The following SLC2A5 variants were observed in gnomAD, a reference collection of about 807,000 sequenced individuals.
SLC2A5 encodes the protein solute carrier family 2 member 5.
SLC2A5 carries 56 observed loss-of-function variants against 50.3 expected under a neutral mutation model. The observed-to-expected ratio is 1.11, with a 90% confidence interval of 0.90 to 1.39. The LOEUF is 1.39. Ranked by LOEUF, SLC2A5 falls within the 40% of genes most tolerant of loss-of-function variation. The probability of loss-of-function intolerance (pLI) is 0.00; values close to 1 mark genes in which losing one functional copy is unlikely to be tolerated. For synonymous variants in SLC2A5, 269 were observed against 281.9 expected (o/e 0.95, Z 0.46); for missense variants, 566 against 650.1 (o/e 0.87, Z 1.41).
At chr1:9,063,453 G>C (rs1176349940) in intron 1 of SLC2A5, among the ~76,000 whole-genome samples, 5 of 150,364 alleles carry the variant, frequency 3.3e-5, no homozygotes, top group African/African-American at 1.2e-4. Flanking sequence ...GCTCACTGTA[G>C]CCTCCACCTC....
rs907503389 is a variant in SLC2A5 at position 9,037,512 on chromosome 1, C to T, written c.*74G>A. On this transcript the variant is annotated 3_prime_UTR_variant, in exon 12 of 12. Transcript: ENST00000377424. ...TGTTTTATTTCTGGATATTCACAGA[C>T]AGCTAGAAGTCAGAAAAATAAGCCA... The T allele has an allele frequency of 1.1e-5, 14 of 1,224,202 alleles. No individual in the cohort carries two copies. The highest frequency in any genetic ancestry group is 1.7e-5 in the Non-Finnish European group (14 of 832,922). 75.8% of individuals were successfully genotyped at this position (1,224,202 alleles called of 1,614,324 possible). A position where few individuals can be genotyped will look rare whatever the true frequency, so the allele number is the denominator to read the frequency against.
At chr1:9,076,019 A>T (rs1273720072) in intron 2 of SLC2A5, among the ~76,000 whole-genome samples, 1 of 149,368 alleles carries the variant, frequency 6.7e-6, no homozygotes, top group East Asian at 2.0e-4. Context: ...GCAGTGGCAC[A>T]ATCTCAGCTC....
At chr1:9,041,067 C>G (rs2124317420) in intron 5 of SLC2A5, 1 of 254,442 alleles carries the variant, frequency 3.9e-6, no homozygotes. Flanking sequence ...GCACTTGGCT[C>G]ACGGTAAGCA....
intron 1 of SLC2A5, among the ~76,000 whole-genome samples, chr1:9,061,311 C>T (rs1266401965): frequency 7.2e-6 from 1 of 139,124 alleles, no homozygotes; most frequent in Non-Finnish European, 1.5e-5. Context: ...AAGAAAAAAT[C>T]CCTTCTATCT....
chr1:9,081,231 G>C (rs1193330339), intron 2 of SLC2A5, among the ~76,000 whole-genome samples: 5 of 139,458 alleles, frequency 3.6e-5, no homozygotes, highest in African/African-American at 1.4e-4. Context: ...CTGCACTCCA[G>C]GCCGGGAAAC....
chr1:9,040,417 G>A lies in SLC2A5; in HGVS notation c.572-228C>T, dbSNP rs1278894847. On this transcript the variant is annotated intron_variant, in intron 5 of 11. Coordinates refer to ENST00000377424, the MANE Select transcript of SLC2A5 (RefSeq NM_003039.3). The surrounding 1 kb of genome is among the most constrained non-coding windows in gnomAD (Gnocchi z 4.3). ...CGCCCATCAGACAGACCACACCGAC[G>A]AGGCCGGTAATACCATGTGCTGGTG... The A allele has an allele frequency of 1.6e-5, 9 of 563,798 alleles. No homozygotes were observed. The highest frequency in any genetic ancestry group is 2.2e-5 in the Non-Finnish European group (7 of 319,836). The allele number at this position is 563,798 out of a possible 1,614,324, so 34.9% of individuals were successfully genotyped here.
At chr1:9,066,431 C>T (rs891626059) in intron 1 of SLC2A5, among the ~76,000 whole-genome samples, 9 of 152,032 alleles carry the variant, frequency 5.9e-5, no homozygotes, top group African/African-American at 1.4e-4. Flanking sequence ...GACCAAGTTT[C>T]GCCATGTTGC....
rs113665082 is a variant in SLC2A5, at chr1:9,036,580, C to G, written c.*1006G>C. 1 of 152,326 alleles carries G rather than the reference C, an allele frequency of 6.6e-6. No homozygotes were observed. The highest frequency in any genetic ancestry group is 1.5e-5 in the Non-Finnish European group (1 of 68,186). 9.4% of individuals were successfully genotyped at this position (152,326 alleles called of 1,614,324 possible). A position where few individuals can be genotyped will look rare whatever the true frequency, so the allele number is the denominator to read the frequency against. Reference sequence around the variant, plus strand: ...AAGTGGCCGGGCGCAGTGGCTCACACCTGTAATCCCAGCACTTTGAGGGGC... The same window carrying G: ...AAGTGGCCGGGCGCAGTGGCTCACAGCTGTAATCCCAGCACTTTGAGGGGC... On this transcript the variant is annotated 3_prime_UTR_variant, in exon 12 of 12. Transcript: ENST00000377424.
chr1:9,053,534 T>A (rs1411887357), intron 3 of SLC2A5, among the ~76,000 whole-genome samples: 106 of 90,772 alleles, frequency 1.2e-3, no homozygotes, highest in African/African-American at 3.9e-3. Flanking sequence ...ATTTATATAT[T>A]AATATATATT....
chr1:9,081,273 A>AG (rs1557685754), intron 2 of SLC2A5, among the ~76,000 whole-genome samples: 13 of 145,366 alleles, frequency 8.9e-5, no homozygotes, highest in Admixed American at 6.8e-5. Context: ...AAAAAAAAAA[A>AG]AAAAAACCCC....
At chr1:9,058,391 A>T (rs1196880253) in intron 1 of SLC2A5, 141 bp from the exon 2 acceptor site, 9 of 643,294 alleles carry the variant, frequency 1.4e-5, no homozygotes, top group Non-Finnish European at 2.0e-5. Flanking sequence ...ACCTACCCTC[A>T]ACCCACCTTG....
In SLC2A5 at chr1:9,039,817, G is replaced by A; in HGVS notation, c.868C>T (p.Leu290=). ...GCCCATACAGCGTTGACGCCCGACA[G>A]CTGCTGGCCGCCCATGAGGACGATG... ...SIIVLMGGQQ[L]SGVNAIYYYA... is the part of the protein sequence containing the mutation. The change falls in exon 7 of 12, where the codon CTG becomes TTG. Residue 290 remains leucine (L), a synonymous_variant. Coordinates refer to ENST00000377424, the MANE Select transcript of SLC2A5 (RefSeq NM_003039.3). The A allele has an allele frequency of 1.9e-6, 3 of 1,597,696 alleles. No homozygotes were observed. The highest frequency in any genetic ancestry group is 2.6e-6 in the Non-Finnish European group (3 of 1,172,930).
upstream of SLC2A5, among the ~76,000 whole-genome samples, chr1:9,073,409 G>A (rs185868287): frequency 6.2e-4 from 95 of 152,316 alleles, no homozygotes; most frequent in African/African-American, 2.1e-3. Flanking sequence ...CAGAAACTTT[G>A]CTCTCTTAGC....
Position 9,037,913 on chromosome 1 carries a change from A to G in SLC2A5, c.1286T>C (p.Ile429Thr), listed in dbSNP as rs1451134453. The G allele has an allele frequency of 1.9e-6, 3 of 1,613,830 alleles. No homozygotes were observed. The African/African-American group carries it at 4.0e-5, about 22-fold the overall frequency. The change falls in exon 11 of 12, where the codon ATC becomes ACC. Residue 429 changes from isoleucine to threonine, a missense_variant. Physicochemically the swap from Ile to Thr is moderately conservative, Grantham distance 89. Coordinates refer to ENST00000377424, the MANE Select transcript of SLC2A5 (RefSeq NM_003039.3). ...HWLSNFTVGL[I>T]FPFIQEGLGP... Reference sequence around the variant, plus strand: ...CCCACTCACCTGGATGAACGGGAAGATCAAGCCCACGGTGAAGTTGGAGAG... The same window carrying G: ...CCCACTCACCTGGATGAACGGGAAGGTCAAGCCCACGGTGAAGTTGGAGAG...
At chr1:9,047,764 G>T in intron 3 of SLC2A5, 30 bp from the exon 4 acceptor site, 1 of 1,607,868 alleles carries the variant, frequency 6.2e-7, no homozygotes, top group South Asian at 1.1e-5. Flanking sequence ...AGTTAGTTTT[G>T]CTGAAGAATT....
intron 8 of SLC2A5, among the ~76,000 whole-genome samples, 157 bp downstream of exon 8, chr1:9,039,395 G>T (rs1349345471): frequency 6.6e-6 from 1 of 152,228 alleles, no homozygotes; most frequent in Admixed American, 6.5e-5. Flanking sequence ...AAGTGTGAGG[G>T]GCTGGTGCGG....
intron 4 of SLC2A5, among the ~76,000 whole-genome samples, chr1:9,046,975 TTCTCTC>T (rs149740983): frequency 1.3e-5 from 2 of 148,514 alleles, no homozygotes; most frequent in African/African-American, 2.5e-5. Context: ...GCAGTTTCCC[TTCTCTC>T]TCTCTCTCTC....
intron 7 of SLC2A5, 30 bp downstream of exon 7, chr1:9,039,770 C>T (rs758065939): frequency 6.7e-6 from 10 of 1,482,184 alleles, no homozygotes; most frequent in Non-Finnish European, 9.0e-6. Context: ...CGAGCCCTCC[C>T]CAGCTCCCGA....
intron 8 of SLC2A5, 33 bp from the exon 9 acceptor site, chr1:9,038,962 G>C (rs772075652): frequency 6.3e-7 from 1 of 1,598,990 alleles, no homozygotes; most frequent in Non-Finnish European, 8.5e-7. Context: ...AGGCGGGAGA[G>C]GCCCAGCTTC....
Sources: allele counts gnomAD v4.1 joint callset (sites outside exome capture counted in the v4.1 genomes callset), GRCh38; gene constraint gnomAD v4.1.1; non-coding constraint Gnocchi (gnomAD v3.1); transcripts MANE v1.5; gene names NCBI Gene and HGNC (gene_info 2026-07-23, HGNC 2026-07-21).